Variants in IL1RAPL1 observed in about 807,000 individuals in gnomAD.
The protein encoded by IL1RAPL1 is interleukin-1 receptor accessory protein-like 1.
A neutral mutation model predicts 48.4 loss-of-function variants in IL1RAPL1; 3 were observed. The ratio of observed to expected loss-of-function variants is 0.06; its 90% confidence interval spans 0.03 to 0.16. The LOEUF is 0.16. Ranked by LOEUF, IL1RAPL1 falls within the 10% of genes least tolerant of loss-of-function variation. The pLI is 1.00. For synonymous variants in IL1RAPL1, 185 were observed against 187.7 expected (o/e 0.99, Z 0.12); for missense variants, 349 against 530.6 (o/e 0.66, Z 3.36).
At position 28,737,161 on chromosome X, in the gene IL1RAPL1, CCTTCCTTCCTTCCTTCCTT is replaced by C. The variant is rs1569161804; in HGVS notation, c.-24-52158_-24-52140del. Among the ~76,000 whole-genome samples, 10 of 73,660 alleles carry C rather than the reference CCTTCCTTCCTTCCTTCCTT, an allele frequency of 1.4e-4. No individual in the cohort carries two copies. The East Asian group carries it at 4.0e-3, about 29-fold the overall frequency. 64.0% of individuals were successfully genotyped at this position (73,660 alleles called of 115,157 possible). The stretch of plus-strand genomic sequence containing the variant: ...TCCTTCCTTCCTTCCTTCCTTCCTT[CCTTCCTTCCTTCCTTCCTT>C]TCTTTCCTTTCTCTTTCTTTCTTTC... On this transcript the variant is annotated intron_variant, in intron 1 of 10. Coordinates refer to ENST00000378993, the MANE Select transcript of IL1RAPL1 (RefSeq NM_014271.4).
intron 3 of IL1RAPL1, among the ~76,000 whole-genome samples, chrX:29,323,507 C>T (rs1225080297): frequency 9.7e-6 from 1 of 102,928 alleles, no homozygotes; most frequent in Non-Finnish European, 2.0e-5. Context: ...ACACTGTCAA[C>T]ATCCTTCACA....
chrX:29,617,357 G>T (rs1312759838), intron 5 of IL1RAPL1, among the ~76,000 whole-genome samples: 1 of 110,394 alleles, frequency 9.1e-6, no homozygotes, highest in Non-Finnish European at 1.9e-5. Context: ...AAAACTAAGT[G>T]AGCCAAGATG....
At chrX:29,742,930 G>T (rs1007130599) in intron 6 of IL1RAPL1, among the ~76,000 whole-genome samples, 1 of 110,610 alleles carries the variant, frequency 9.0e-6, no homozygotes, top group South Asian at 3.8e-4. Context: ...TTCTAGTTGC[G>T]GCCCTGCCCT....
intron 1 of IL1RAPL1, among the ~76,000 whole-genome samples, chrX:28,656,251 CCAGA>C (rs1473836200): frequency 2.7e-5 from 3 of 110,652 alleles, no homozygotes; most frequent in African/African-American, 9.9e-5. Context: ...CTTCAGCCAC[CCAGA>C]CAAAGTATTT....
intron 2 of IL1RAPL1, among the ~76,000 whole-genome samples, chrX:29,063,306 T>A (rs972327383): frequency 9.0e-6 from 1 of 111,627 alleles, no homozygotes; most frequent in Non-Finnish European, 1.9e-5. Flanking sequence ...ATTAGCAAAT[T>A]TCAATAATTA....
chrX:29,407,814 T>C (rs1472585697), intron 5 of IL1RAPL1, among the ~76,000 whole-genome samples: 1 of 112,300 alleles, frequency 8.9e-6, no homozygotes. Context: ...TAAGTGGAAA[T>C]TATTCTAAGG....
intron 5 of IL1RAPL1, among the ~76,000 whole-genome samples, chrX:29,561,610 G>A (rs7049454): frequency 0.13 from 14,569 of 111,313 alleles, 1,215 homozygotes; most frequent in African/African-American, 0.3. Context: ...GAAACAAATC[G>A]TGGGCCAAGA....
At chrX:28,617,712 C>T (rs1213275467) in intron 1 of IL1RAPL1, among the ~76,000 whole-genome samples, 1 of 112,258 alleles carries the variant, frequency 8.9e-6, no homozygotes, top group Non-Finnish European at 1.9e-5. Flanking sequence ...CACAGCCTTT[C>T]CTTGGCTTTG....
chrX:28,615,302 A>G (rs1194338781), intron 1 of IL1RAPL1, among the ~76,000 whole-genome samples: 1 of 101,512 alleles, frequency 9.9e-6, no homozygotes, highest in Non-Finnish European at 2.0e-5. Context: ...ATATGTAAAG[A>G]GCTTAGTACA....
At chrX:29,073,558 C>T (rs887478506) in intron 2 of IL1RAPL1, among the ~76,000 whole-genome samples, 3 of 111,069 alleles carry the variant, frequency 2.7e-5, no homozygotes, top group Non-Finnish European at 5.7e-5. Flanking sequence ...ACTACATTAC[C>T]CCTAAATTTG....
chrX:29,420,380 G>T (rs982899813), intron 5 of IL1RAPL1, among the ~76,000 whole-genome samples: 2 of 112,558 alleles, frequency 1.8e-5, no homozygotes, highest in African/African-American at 3.2e-5. Context: ...CTGTTTGAAT[G>T]CTTCTTTCTA....
chrX:29,410,287 C>T (rs1231499522), intron 5 of IL1RAPL1, among the ~76,000 whole-genome samples: 1 of 109,320 alleles, frequency 9.1e-6, no homozygotes, highest in East Asian at 2.9e-4. Flanking sequence ...GTGGTGAAAC[C>T]CCGTCTCTAC....
chrX:28,702,603 T>C, intron 1 of IL1RAPL1, among the ~76,000 whole-genome samples: 1 of 111,832 alleles, frequency 8.9e-6, no homozygotes, highest in Non-Finnish European at 1.9e-5. Flanking sequence ...CATCGTGTAG[T>C]TTTTAGAGAA....
rs57824632 is a variant in IL1RAPL1 at position 28,981,090 on chromosome X, C to CAAAAAA, written c.82+191698_82+191703dup. ...TGAGGGACAGAGTGAGACCCTGTCT[C>CAAAAAA]AAAAAAAAAAAAAAAAAAAAAAAAA... On this transcript the variant is annotated intron_variant, in intron 2 of 10. Coordinates refer to ENST00000378993, the MANE Select transcript of IL1RAPL1 (RefSeq NM_014271.4). 5.3e-4 allele frequency among the ~76,000 whole-genome samples: 13 copies of CAAAAAA among 24,300 alleles called. 2 individuals carry two copies. The highest frequency in any genetic ancestry group is 1.3e-3 in the Admixed American group (2 of 1,559). The allele number at this position is 24,300 out of a possible 115,157, so 21.1% of individuals were successfully genotyped here.
chrX:29,102,832 C>A (rs1203433938), intron 2 of IL1RAPL1, among the ~76,000 whole-genome samples: 1 of 111,025 alleles, frequency 9.0e-6, no homozygotes, highest in Non-Finnish European at 1.9e-5. Flanking sequence ...TATATGCCAA[C>A]AATGAATAAT....
chrX:29,590,441 T>C (rs1156705100), intron 5 of IL1RAPL1, among the ~76,000 whole-genome samples: 1 of 111,653 alleles, frequency 9.0e-6, no homozygotes, highest in African/African-American at 3.3e-5. Flanking sequence ...CAAGGGCAGG[T>C]ATTTTCCCTC....
At chrX:29,929,911 C>T (rs1412732088) in intron 8 of IL1RAPL1, among the ~76,000 whole-genome samples, 1 of 111,415 alleles carries the variant, frequency 9.0e-6, no homozygotes, top group Admixed American at 9.6e-5. Context: ...ATTTAAATAC[C>T]TTAATGTTGA....
intron 5 of IL1RAPL1, among the ~76,000 whole-genome samples, chrX:29,450,093 G>A (rs1384863249): frequency 9.0e-6 from 1 of 111,727 alleles, no homozygotes; most frequent in African/African-American, 3.2e-5. Context: ...TGTCAAACTG[G>A]AAAGGAAAAT....
At chrX:29,610,648 G>A (rs750269281) in intron 5 of IL1RAPL1, among the ~76,000 whole-genome samples, 11 of 112,269 alleles carry the variant, frequency 9.8e-5, no homozygotes, top group Non-Finnish European at 2.1e-4. Flanking sequence ...TTAACCTGAC[G>A]GTGAAACTGG....
Sources: allele counts gnomAD v4.1 joint callset (sites outside exome capture counted in the v4.1 genomes callset), GRCh38; gene constraint gnomAD v4.1.1; transcripts MANE v1.5; gene names NCBI Gene and HGNC (gene_info 2026-07-23, HGNC 2026-07-21).